Variants in DNAH11 observed in about 807,000 individuals in gnomAD.
DNAH11 encodes axonemal beta dynein heavy chain 11.
In DNAH11, 442 loss-of-function variants were observed where a neutral mutation model predicts 526.0. The ratio of observed to expected loss-of-function variants is 0.84; its 90% CI spans 0.78 to 0.91. The LOEUF is 0.91. DNAH11 is among the 40% of genes least tolerant of loss of function. The pLI is 0.00. For synonymous variants in DNAH11, 2,461 were observed against 1,935.9 expected (o/e 1.27, Z -7.12); for missense variants, 6,989 against 5,448.7 (o/e 1.28, Z -8.90).
intron 68 of DNAH11, among the ~76,000 whole-genome samples, chr7:21,857,455 T>C (rs914503585): frequency 6.6e-6 from 1 of 152,140 alleles, no homozygotes; most frequent in African/African-American, 2.4e-5. Flanking sequence ...TTTTTCCTTT[T>C]GGTAGAAATT....
At chr7:21,702,584 T>C (rs1244049481) in intron 36 of DNAH11, 126 bp from the exon 37 acceptor site, 3 of 715,060 alleles carry the variant, frequency 4.2e-6, no homozygotes, top group African/African-American at 3.6e-5. Context: ...AAGAAAATAG[T>C]ATTTTGAATC....
intron 28 of DNAH11, among the ~76,000 whole-genome samples, chr7:21,650,841 T>C (rs1200655174): frequency 6.6e-6 from 1 of 151,782 alleles, no homozygotes; most frequent in Non-Finnish European, 1.5e-5. Flanking sequence ...CGTTTCACCA[T>C]ATTGGCCAGG....
rs1787131363 is a variant in DNAH11 at position 21,765,422 on chromosome 7, C to G, written c.8941-6C>G. Reference sequence around the variant, plus strand: ...CTGTTTCTGCCTTGCCCCCATGTCTCCACAGATCATTTTGTGTTTCTCTCC... The same window carrying G: ...CTGTTTCTGCCTTGCCCCCATGTCTGCACAGATCATTTTGTGTTTCTCTCC... On this transcript the variant is annotated splice_region_variant and splice_polypyrimidine_tract_variant and intron_variant, in intron 54 of 81. Transcript: ENST00000409508. 6.2e-7 allele frequency: 1 copy of G among 1,613,696 alleles called. No individual in the cohort carries two copies. Among genetic ancestry groups the G allele is most frequent in the Admixed American group, 1.7e-5 (1 of 60,012 alleles).
In DNAH11 at chr7:21,658,815, G is replaced by T. The variant is rs1417565022; in HGVS notation, c.5112G>T (p.Leu1704=). Residue 1704 remains leucine, a synonymous_variant, in exon 30 of 82, where the codon CTG becomes CTT. Coordinates refer to ENST00000409508, the MANE Select transcript of DNAH11 (RefSeq NM_001277115.2). ...ECVGHVETWL[L]QLEQTMQETV... Reference sequence around the variant, plus strand: ...TTCCAAAGGTGGAAACATGGCTTCTGCAACTTGAACAGACTATGCAAGAAA... The same window carrying T: ...TTCCAAAGGTGGAAACATGGCTTCTTCAACTTGAACAGACTATGCAAGAAA... 1.5e-5 allele frequency: 24 copies of T among 1,584,052 alleles called. No individual in the cohort carries two copies. Among genetic ancestry groups the T allele is most frequent in the Non-Finnish European group, 1.9e-5 (22 of 1,164,762 alleles).
intron 61 of DNAH11, among the ~76,000 whole-genome samples, chr7:21,794,460 C>T (rs905217126): frequency 6.6e-6 from 1 of 152,162 alleles, no homozygotes; most frequent in Admixed American, 6.5e-5. Context: ...GCTTCCTTTT[C>T]AGCACTATAT....
At chr7:21,638,697 T>G (rs1460658955) in intron 27 of DNAH11, among the ~76,000 whole-genome samples, 1 of 115,528 alleles carries the variant, frequency 8.7e-6, no homozygotes, top group Non-Finnish European at 1.7e-5. Flanking sequence ...ATGGGGTGTG[T>G]GTGTGTGTGT....
chr7:21,584,648 T>C (rs533555442), intron 9 of DNAH11, among the ~76,000 whole-genome samples: 1 of 152,318 alleles, frequency 6.6e-6, no homozygotes, highest in Non-Finnish European at 1.5e-5. Flanking sequence ...GTGCCAGCCA[T>C]CAGCCGAAAT....
rs138707704 is a variant in DNAH11 at position 21,580,594 on chromosome 7, G to A, written c.1594-1311G>A. On this transcript the variant is annotated intron_variant, in intron 8 of 81. Transcript: ENST00000409508. ...TGAGAAGTCCAAGAGCAAGGCTCCC[G>A]CAGGTTCAGTGTCTGGGGAGGGCTA... is the stretch of plus-strand genomic sequence containing the variant. Among the ~76,000 whole-genome samples, 18 of 152,256 alleles carry A rather than the reference G, an allele frequency of 1.2e-4. No homozygotes were observed. The East Asian group carries it at 2.7e-3, about 23-fold the overall frequency.
intron 30 of DNAH11, among the ~76,000 whole-genome samples, chr7:21,666,851 C>G (rs1362797485): frequency 6.6e-6 from 1 of 151,434 alleles, no homozygotes; most frequent in African/African-American, 2.4e-5. Flanking sequence ...AGAGCACATA[C>G]TCTCTACCTC....
chr7:21,665,342 C>G (rs1316273913), intron 30 of DNAH11, among the ~76,000 whole-genome samples: 2 of 151,964 alleles, frequency 1.3e-5, no homozygotes, highest in Non-Finnish European at 2.9e-5. Flanking sequence ...GTTGCTTTTC[C>G]ATTTTTGGTT....
intron 9 of DNAH11, among the ~76,000 whole-genome samples, chr7:21,583,094 T>G (rs1244568271): frequency 1.3e-5 from 2 of 152,270 alleles, no homozygotes; most frequent in East Asian, 1.9e-4. Flanking sequence ...TACTTTAAAT[T>G]TCATATGGAA....
rs771781357 is a variant in DNAH11 at position 21,773,945 on chromosome 7, G to GA, written c.9288dup (p.Glu3097ArgfsTer37). 7 of 1,566,272 alleles carry GA rather than the reference G, an allele frequency of 4.5e-6. No homozygotes were observed. The highest frequency in any genetic ancestry group is 5.2e-6 in the Non-Finnish European group (6 of 1,155,722). ...AGAAGAAGCAAAATGAGGTATCCGA[G>GA]AAAAAAGAACGCCTGGTGAACGGCA... On this transcript the variant is annotated frameshift_variant, in exon 56 of 82. Coordinates refer to ENST00000409508, the MANE Select transcript of DNAH11 (RefSeq NM_001277115.2). LOFTEE classifies it high-confidence loss of function.
At chr7:21,799,238 G>A (rs1016507419) in intron 61 of DNAH11, among the ~76,000 whole-genome samples, 1 of 152,126 alleles carries the variant, frequency 6.6e-6, no homozygotes. Context: ...ATCAACCCAA[G>A]GAGTCTGATA....
intron 34 of DNAH11, among the ~76,000 whole-genome samples, chr7:21,689,397 T>G (rs1783517070): frequency 6.6e-6 from 1 of 152,246 alleles, no homozygotes; most frequent in African/African-American, 2.4e-5. Flanking sequence ...TTAGCCCATA[T>G]GCAGACAGCT....
intron 61 of DNAH11, among the ~76,000 whole-genome samples, chr7:21,796,645 A>G (rs1292468857): frequency 1.3e-5 from 2 of 152,204 alleles, no homozygotes; most frequent in African/African-American, 4.8e-5. Context: ...AATAGTAAAG[A>G]GGCCAGATAC....
chr7:21,802,567 CAT>C (rs773380972), intron 62 of DNAH11, among the ~76,000 whole-genome samples: 15 of 152,164 alleles, frequency 9.9e-5, no homozygotes, highest in Non-Finnish European at 2.2e-4. Flanking sequence ...AAACAACCCA[CAT>C]GTCCCTTAAT....
intron 36 of DNAH11, among the ~76,000 whole-genome samples, chr7:21,701,719 T>A (rs1416570615): frequency 6.6e-6 from 1 of 152,242 alleles, no homozygotes; most frequent in Non-Finnish European, 1.5e-5. Flanking sequence ...GGGATATTTG[T>A]AATGTAATAT....
intron 30 of DNAH11, among the ~76,000 whole-genome samples, chr7:21,669,270 C>A (rs112840851): frequency 1.5e-5 from 1 of 65,244 alleles, no homozygotes. Context: ...CTCCTGGGCT[C>A]GAGCGATTCT....
chr7:21,804,700 C>T (rs1327955721), intron 62 of DNAH11, among the ~76,000 whole-genome samples: 1 of 152,152 alleles, frequency 6.6e-6, no homozygotes, highest in Non-Finnish European at 1.5e-5. Context: ...ATTCTCTTCA[C>T]CTTACCATGC....
Sources: gnomAD v4.1 joint callset for allele counts (sites outside exome capture counted in the v4.1 genomes callset) on GRCh38, gnomAD v4.1.1 for gene constraint, MANE v1.5 for transcripts, NCBI Gene and HGNC (gene_info 2026-07-23, HGNC 2026-07-21) for gene names.